The following RBM17 variants were observed in gnomAD, a reference collection of about 807,000 sequenced individuals.
RBM17 encodes the protein RNA binding motif protein 17.
A neutral mutation model predicts 53.2 loss-of-function variants in RBM17; 7 were observed. The observed-to-expected ratio is 0.13, with a 90% CI of 0.07 to 0.25. The LOEUF (loss-of-function observed/expected upper bound fraction) is 0.25. Among genes scored for constraint, RBM17 ranks in the 10% least tolerant of loss-of-function variants. The pLI, the probability that RBM17 is intolerant of heterozygous loss-of-function variation, is 1.00. For missense variants in RBM17, 257 were observed against 496.7 expected (o/e 0.52, Z 4.59); for synonymous variants, 167 against 178.1 (o/e 0.94, Z 0.50).
At chr10:6,098,882 A>G (rs1214764041) in intron 2 of RBM17, among the ~76,000 whole-genome samples, 1 of 151,504 alleles carries the variant, frequency 6.6e-6, no homozygotes, top group African/African-American at 2.4e-5. Context: ...AGTTCTACTC[A>G]TTTTTCTTTT....
chr10:6,102,156 C>T (rs556971018), intron 3 of RBM17, among the ~76,000 whole-genome samples: 30 of 152,294 alleles, frequency 2.0e-4, no homozygotes, highest in African/African-American at 7.2e-4. Flanking sequence ...TGACTGTGGT[C>T]ATTTAAACAG....
intron 7 of RBM17, among the ~76,000 whole-genome samples, chr10:6,111,297 G>C (rs898869775): frequency 1.3e-5 from 2 of 152,250 alleles, no homozygotes; most frequent in African/African-American, 4.8e-5. Flanking sequence ...GTGACTGAGA[G>C]TTGTGGGGTC....
At chr10:6,098,637 A>C (rs1011273484) in intron 2 of RBM17, among the ~76,000 whole-genome samples, 2 of 119,870 alleles carry the variant, frequency 1.7e-5, no homozygotes, top group African/African-American at 6.4e-5. Context: ...GCGCAGTGGC[A>C]TGATCTCAGC....
chr10:6,112,573 C>G lies in RBM17; in HGVS notation c.856+212C>G. On this transcript the variant is annotated intron_variant, in intron 8 of 11. Coordinates refer to ENST00000379888, the MANE Select transcript of RBM17 (RefSeq NM_032905.5). This position sits in a 1 kb window ranked among gnomAD's most constrained non-coding sequence, Gnocchi z 4.4. Reference sequence around the variant, plus strand: ...TTGTGAAACCAGGAATCCTGAGGCTCATCTTTATTTTTTCAGAACAGACGT... The same window carrying G: ...TTGTGAAACCAGGAATCCTGAGGCTGATCTTTATTTTTTCAGAACAGACGT... 1 of 589,612 alleles carries G rather than the reference C, an allele frequency of 1.7e-6. No homozygotes were observed. Among genetic ancestry groups the G allele is most frequent in the East Asian group, 3.0e-5 (1 of 33,348 alleles). 36.5% of individuals were successfully genotyped at this position (589,612 alleles called of 1,614,324 possible).
rs188832406 is a variant in RBM17, at chr10:6,112,515, G to A, written c.856+154G>A. Reference sequence around the variant, plus strand: ...CCCTGCCATCACTAGAACACAGGCCGTCCTGTTCATATGATGCACTGCCAC... The same window carrying A: ...CCCTGCCATCACTAGAACACAGGCCATCCTGTTCATATGATGCACTGCCAC... On this transcript the variant is annotated intron_variant, in intron 8 of 11. Coordinates refer to ENST00000379888, the MANE Select transcript of RBM17 (RefSeq NM_032905.5). This position sits in a 1 kb window ranked among gnomAD's most constrained non-coding sequence, Gnocchi z 4.4. 67 of 850,894 alleles carry A rather than the reference G, an allele frequency of 7.9e-5. No homozygotes were observed. Among genetic ancestry groups the A allele is most frequent in the South Asian group, 2.3e-4 (15 of 64,650 alleles). The allele number at this position is 850,894 out of a possible 1,614,324, so 52.7% of individuals were successfully genotyped here.
intron 3 of RBM17, among the ~76,000 whole-genome samples, chr10:6,102,824 A>G (rs1243819487): frequency 6.6e-6 from 1 of 152,170 alleles, no homozygotes; most frequent in Non-Finnish European, 1.5e-5. Flanking sequence ...TTTTTGAGAC[A>G]GGGTCTTGCT....
intron 4 of RBM17, 110 bp from the exon 5 acceptor site, chr10:6,106,031 G>A: frequency 1.4e-6 from 1 of 715,482 alleles, no homozygotes; most frequent in Non-Finnish European, 2.5e-6. Flanking sequence ...CAACTTCATA[G>A]TTGATTGTGA....
rs1039413780 is a variant in RBM17 at position 6,091,280 on chromosome 10, A to T, written c.-19+2087A>T. 7.1e-4 allele frequency among the ~76,000 whole-genome samples: 108 copies of T among 152,122 alleles called. 1 individual carries two copies. Among genetic ancestry groups the T allele is most frequent in the Non-Finnish European group, 2.2e-4 (15 of 68,004 alleles). ...CACCATGTTGGCCAGGCTGGTCTCG[A>T]ACTCCTGATCTCAAGTGATCCTCCT... is the stretch of plus-strand genomic sequence containing the variant. On this transcript the variant is annotated intron_variant, in intron 1 of 11. Coordinates refer to ENST00000379888, the MANE Select transcript of RBM17 (RefSeq NM_032905.5).
rs765084535 is a variant in RBM17 at position 6,101,245 on chromosome 10, G to T, written c.124-26G>T. On this transcript the variant is annotated intron_variant, in intron 2 of 11. Transcript: ENST00000379888. ...GAATTTTAATTTGAAACTTCAGTAT[G>T]TTTTCCTTGTTTTTGATGATTTTAG... is the stretch of plus-strand genomic sequence containing the variant. 1.4e-5 allele frequency: 20 copies of T among 1,462,418 alleles called. No individual in the cohort carries two copies. In the South Asian group the frequency reaches 2.3e-4, roughly 17 times the overall value. 90.6% of individuals were successfully genotyped at this position (1,462,418 alleles called of 1,614,324 possible).
At chr10:6,098,556 G>GGTTTTTTTTTTTTTTTTTTTTTTT (rs1840613398) in intron 2 of RBM17, among the ~76,000 whole-genome samples, 2 of 87,976 alleles carry the variant, frequency 2.3e-5, no homozygotes, top group African/African-American at 4.0e-5. Context: ...TAATACACAG[G>GGTTTTTTTTTTTTTTTTTTTTTTT]TTTTTTGTTT....
chr10:6,102,228 C>A (rs528897145), intron 3 of RBM17, among the ~76,000 whole-genome samples: 1 of 152,184 alleles, frequency 6.6e-6, no homozygotes, highest in Non-Finnish European at 1.5e-5. Flanking sequence ...ATAGTGCTAT[C>A]GAGACAGTTT....
intron 5 of RBM17, 83 bp from the exon 6 acceptor site, chr10:6,108,603 G>T (rs892734460): frequency 1.9e-6 from 2 of 1,071,498 alleles, no homozygotes; most frequent in Admixed American, 4.0e-5. Context: ...AGGGGGGTGG[G>T]TGATAGATAT....
At chr10:6,096,207 G>A (rs1254069408) in intron 1 of RBM17, among the ~76,000 whole-genome samples, 1 of 152,088 alleles carries the variant, frequency 6.6e-6, no homozygotes, top group African/African-American at 2.4e-5. Flanking sequence ...TGGCAGTTGG[G>A]GTTCACTGGC....
intron 2 of RBM17, among the ~76,000 whole-genome samples, chr10:6,097,797 T>A (rs567252341): frequency 6.6e-6 from 1 of 152,378 alleles, no homozygotes; most frequent in African/African-American, 2.4e-5. Context: ...TTTGTAGCCT[T>A]ACTCCTGATA....
chr10:6,090,557 T>C (rs1239929919), intron 1 of RBM17, among the ~76,000 whole-genome samples: 2 of 152,224 alleles, frequency 1.3e-5, no homozygotes, highest in African/African-American at 4.8e-5. Context: ...CACTTCCAAA[T>C]GCAGCTTTAT....
intron 1 of RBM17, among the ~76,000 whole-genome samples, chr10:6,092,141 T>C: frequency 6.6e-6 from 1 of 152,230 alleles, no homozygotes; most frequent in East Asian, 1.9e-4. Flanking sequence ...ATAGCAAATA[T>C]TTTAAAGTTA....
chr10:6,115,190 C>T (rs764503109), intron 10 of RBM17, 49 bp from the exon 11 acceptor site: 1 of 1,422,624 alleles, frequency 7.0e-7, no homozygotes, highest in Non-Finnish European at 9.8e-7. Flanking sequence ...AAAACTCATT[C>T]AATGCAATCT....
intron 2 of RBM17, among the ~76,000 whole-genome samples, chr10:6,099,263 A>G (rs1840633676): frequency 6.7e-6 from 1 of 148,706 alleles, no homozygotes; most frequent in African/African-American, 2.4e-5. Context: ...ATTGCTATGT[A>G]CAGTTAGTTT....
chr10:6,110,886 A>G (rs555335054), intron 7 of RBM17, among the ~76,000 whole-genome samples: 2 of 152,286 alleles, frequency 1.3e-5, no homozygotes, highest in Non-Finnish European at 2.9e-5. Flanking sequence ...TGGTGCAGAC[A>G]TAGGACATGG....
Sources: gnomAD v4.1 joint callset for allele counts (sites outside exome capture counted in the v4.1 genomes callset) on GRCh38, gnomAD v4.1.1 for gene constraint, Gnocchi (gnomAD v3.1) non-coding constraint, MANE v1.5 for transcripts, NCBI Gene and HGNC (gene_info 2026-07-23, HGNC 2026-07-21) for gene names.